Variants in GPR143 observed in about 807,000 individuals in gnomAD.
The protein encoded by GPR143 is G protein-coupled receptor 143, also known as G-protein coupled receptor 143.
In GPR143, 8 loss-of-function variants were observed where a neutral mutation model predicts 27.6. The observed-to-expected ratio is 0.29, with a 90% confidence interval of 0.17 to 0.52. The LOEUF (loss-of-function observed/expected upper bound fraction) is 0.52. Among genes scored for constraint, GPR143 ranks in the 20% least tolerant of loss-of-function variants. GPR143 has a pLI of 0.96. For missense variants in GPR143, 303 were observed against 343.1 expected, an observed-to-expected ratio of 0.88 and a Z score of 0.92; for synonymous variants, 156 against 153.2, an observed-to-expected ratio of 1.02 and a Z score of -0.13.
intron 8 of GPR143, among the ~76,000 whole-genome samples, chrX:9,727,512 T>C (rs2083333448): frequency 8.8e-6 from 1 of 113,271 alleles, no homozygotes; most frequent in South Asian, 3.6e-4. Flanking sequence ...GAGCGAGGCC[T>C]GGGCGGGGCA....
intron 3 of GPR143, among the ~76,000 whole-genome samples, chrX:9,751,555 C>T (rs961099230): frequency 1.8e-5 from 2 of 112,354 alleles, no homozygotes; most frequent in African/African-American, 6.5e-5. Context: ...ATGGGTGAAC[C>T]TCAGCAACAA....
chrX:9,760,808 G>A lies in GPR143; in HGVS notation c.269C>T (p.Thr90Ile). Residue 90 changes from threonine to isoleucine, a missense_variant, in exon 2 of 9, where the codon ACC (threonine) becomes ATC (isoleucine). Physicochemically the swap from Thr to Ile is moderately conservative, Grantham distance 89 (BLOSUM62 -1). Coordinates refer to ENST00000467482, the MANE Select transcript of GPR143 (RefSeq NM_000273.3). ...LGCLGMVIRS[T>I]VWLGFPNFVD... is the part of the protein sequence containing the mutation. ...AAAATTTGGGAATCCTAACCACACG[G>A]TGGACCGGATCACCATACCTAAGAG... 1.8e-6 allele frequency: 2 copies of A among 1,138,028 alleles called. No homozygotes were observed. Among genetic ancestry groups the A allele is most frequent in the Non-Finnish European group, 2.4e-6 (2 of 833,360 alleles). The allele number at this position is 1,138,028 out of a possible 1,213,427, so 93.8% of individuals were successfully genotyped here.
intron 3 of GPR143, among the ~76,000 whole-genome samples, chrX:9,752,863 GA>G (rs200230731): frequency 0.013 from 1,437 of 107,887 alleles, 35 homozygotes; most frequent in African/African-American, 0.046. Context: ...AAGAAAGAAA[GA>G]AAAAAAAAGG....
upstream of GPR143, among the ~76,000 whole-genome samples, chrX:9,766,913 A>T (rs1000919730): frequency 6.5e-3 from 646 of 99,839 alleles, 3 homozygotes; most frequent in African/African-American, 0.02. Flanking sequence ...TCACACACAC[A>T]CACACACACA....
intron 4 of GPR143, among the ~76,000 whole-genome samples, chrX:9,746,385 A>G (rs2083428627): frequency 9.0e-6 from 1 of 111,170 alleles, no homozygotes; most frequent in African/African-American, 3.3e-5. Context: ...GAGGACCCCT[A>G]AGGCATTCCA....
At chrX:9,738,366 A>G in intron 8 of GPR143, 1 of 712,496 alleles carries the variant, frequency 1.4e-6, no homozygotes, top group Non-Finnish European at 1.7e-6. Flanking sequence ...TCTACAGACT[A>G]ACAGCAGTTC....
chrX:9,761,371 G>A (rs754130892), intron 1 of GPR143, among the ~76,000 whole-genome samples: 8 of 112,640 alleles, frequency 7.1e-5, no homozygotes, highest in Admixed American at 6.6e-4. Context: ...GATGACAGGC[G>A]TGAGCCACCG....
rs769880333 is a variant in GPR143, at chrX:9,728,000, C to T, written c.1121-2160G>A. Among the ~76,000 whole-genome samples, 307 of 112,706 alleles carry T rather than the reference C, an allele frequency of 2.7e-3. 1 individual carries two copies. Among genetic ancestry groups the T allele is most frequent in the Non-Finnish European group, 4.2e-3 (223 of 53,322 alleles). On this transcript the variant is annotated intron_variant, in intron 8 of 8. Coordinates refer to ENST00000467482, the MANE Select transcript of GPR143 (RefSeq NM_000273.3). ...CATTAAGGTCTCAATTCTAATATTA[C>T]GTCATGCTCAGGAAGACTCTCAGGA...
Position 9,765,480 on chromosome X carries a change from G to A in GPR143, c.250+88C>T, listed in dbSNP as rs2083526490. On this transcript the variant is annotated intron_variant, in intron 1 of 8. Transcript: ENST00000467482. ...ATCCACAGGCCGTGCGCCCTTATCCGGGCACCAGTCGGGTCTCAACCTGCG... is the reference window on the plus strand; with the variant it reads ...ATCCACAGGCCGTGCGCCCTTATCCAGGCACCAGTCGGGTCTCAACCTGCG... 4.5e-6 allele frequency: 4 copies of A among 888,899 alleles called. No homozygotes were observed. The South Asian group carries it at 1.4e-4, about 31-fold the overall frequency. The allele number at this position is 888,899 out of a possible 1,213,427, so 73.3% of individuals were successfully genotyped here.
chrX:9,728,639 TAAAAAAA>T (rs57462205), intron 8 of GPR143, among the ~76,000 whole-genome samples: 32 of 19,216 alleles, frequency 1.7e-3, no homozygotes, highest in African/African-American at 4.4e-3. Context: ...CCCTATCTCT[TAAAAAAA>T]AAAAAAAAAA....
At chrX:9,739,406 G>T in intron 8 of GPR143, 79 bp downstream of exon 8, 2 of 689,602 alleles carry the variant, frequency 2.9e-6, no homozygotes, top group Non-Finnish European at 4.6e-6. Flanking sequence ...ACAGCCCCCG[G>T]GACAAAGAAT....
At position 9,774,166 on chromosome X, in the gene GPR143, T is replaced by C. The variant is rs976893125; in HGVS notation, c.-3+12076A>G. ...AAAGAAAAAAAAGTCAGTAAAACCA[T>C]TCCAATTTGAAATGATGTCCCGAAT... On this transcript the variant is annotated intron_variant, in intron 1 of 7. Coordinates refer to the GPR143 transcript ENST00000447366. Among the ~76,000 whole-genome samples, 5 of 111,240 alleles carry C rather than the reference T, an allele frequency of 4.5e-5. No homozygotes were observed. In the South Asian group the frequency reaches 1.9e-3, roughly 42 times the overall value.
At chrX:9,761,793 T>A (rs2083502576) in intron 1 of GPR143, among the ~76,000 whole-genome samples, 1 of 112,864 alleles carries the variant, frequency 8.9e-6, no homozygotes, top group South Asian at 3.6e-4. Context: ...TAATGCAATA[T>A]CCGTTGTTTA....
At chrX:9,727,028 T>C (rs1308181644) in intron 8 of GPR143, among the ~76,000 whole-genome samples, 2 of 112,803 alleles carry the variant, frequency 1.8e-5, no homozygotes, top group East Asian at 2.8e-4. Flanking sequence ...CCTAGGCAGA[T>C]AGGAGTGGGT....
At position 9,725,640 on chromosome X, in the gene GPR143, C is replaced by G. The variant is rs750551632; in HGVS notation, c.*106G>C. 138 of 609,288 alleles carry G rather than the reference C, an allele frequency of 2.3e-4. No homozygotes were observed. In the South Asian group the frequency reaches 3.3e-3, roughly 14 times the overall value. The allele number at this position is 609,288 out of a possible 1,213,427, so 50.2% of individuals were successfully genotyped here. A position where few individuals can be genotyped will look rare whatever the true frequency, so the allele number is the denominator to read the frequency against. ...GGTGATGAGAGCAAGGTTTGGGGGC[C>G]GCTACACTTCGGCAGTGCAGTGTTG... On this transcript the variant is annotated 3_prime_UTR_variant, in exon 9 of 9. Transcript: ENST00000467482.
upstream of GPR143, among the ~76,000 whole-genome samples, chrX:9,769,164 T>C (rs2083545042): frequency 9.0e-6 from 1 of 111,609 alleles, no homozygotes; most frequent in Non-Finnish European, 1.9e-5. Flanking sequence ...TACATGAAGG[T>C]ACATCTGTTT....
At chrX:9,770,358 G>GA (rs2083550686), upstream of GPR143, among the ~76,000 whole-genome samples, 5 of 76,550 alleles carry the variant, frequency 6.5e-5, no homozygotes, top group African/African-American at 2.8e-4. Context: ...AGAGAGAGAG[G>GA]AAGACCAGCC....
intron 3 of GPR143, among the ~76,000 whole-genome samples, 200 bp downstream of exon 3, chrX:9,759,132 G>A (rs2083485093): frequency 9.0e-6 from 1 of 111,537 alleles, no homozygotes; most frequent in Non-Finnish European, 1.9e-5. Context: ...AAGCCACTGT[G>A]CCTGGCTAAT....
chrX:9,760,595 G>A, intron 2 of GPR143, 122 bp downstream of exon 2: 1 of 497,668 alleles, frequency 2.0e-6, no homozygotes. Flanking sequence ...CTGGGTTCCT[G>A]ATCAGCAGGA....
Sources: allele counts gnomAD v4.1 joint callset (sites outside exome capture counted in the v4.1 genomes callset), GRCh38; gene constraint gnomAD v4.1.1; transcripts MANE v1.5; gene names NCBI Gene and HGNC (gene_info 2026-07-23, HGNC 2026-07-21).